The following SIK3 variants were observed in gnomAD, a reference collection of about 807,000 sequenced individuals.
SIK3 encodes the protein SIK family kinase 3.
SIK3 carries 28 observed loss-of-function variants against 144.2 expected under a neutral mutation model. That is an observed-to-expected ratio of 0.19 (90% confidence interval 0.14 to 0.27). The LOEUF is 0.27. Among genes scored for constraint, SIK3 ranks in the 10% least tolerant of loss-of-function variants. SIK3 has a pLI of 1.00. For synonymous variants in SIK3, 686 were observed against 676.3 expected (o/e 1.01, Z -0.22); for missense variants, 1,319 against 1,776.0 (o/e 0.74, Z 4.62).
intron 1 of SIK3, among the ~76,000 whole-genome samples, chr11:117,009,956 T>C (rs1280305978): frequency 6.6e-6 from 1 of 152,110 alleles, no homozygotes. Flanking sequence ...ATTTTGAAGA[T>C]GCATCTGGAA....
At chr11:116,877,197 T>C (rs935673811) in intron 6 of SIK3, among the ~76,000 whole-genome samples, 155 bp from the exon 7 acceptor site, 4 of 152,166 alleles carry the variant, frequency 2.6e-5, no homozygotes, top group South Asian at 2.1e-4. Context: ...CTGTTGCTTA[T>C]GCCACCAGAA....
At chr11:116,932,650 A>G (rs1308102228) in intron 3 of SIK3, among the ~76,000 whole-genome samples, 1 of 152,194 alleles carries the variant, frequency 6.6e-6, no homozygotes, top group African/African-American at 2.4e-5. Context: ...CACTACCCCT[A>G]CACAGTCATG....
At chr11:117,057,830 C>T (rs10892068) in intron 1 of SIK3, among the ~76,000 whole-genome samples, 12,192 of 152,160 alleles carry the variant, frequency 0.08, 620 homozygotes, top group African/African-American at 0.13. Context: ...ATTTACCCAC[C>T]TATACAACTC....
chr11:116,964,992 GT>G (rs1468834339), intron 1 of SIK3, among the ~76,000 whole-genome samples: 2 of 152,160 alleles, frequency 1.3e-5, no homozygotes, highest in African/African-American at 4.8e-5. Flanking sequence ...AATGGTGACT[GT>G]AAAATAGTTC....
intron 4 of SIK3, chr11:116,904,980 A>G (rs1945951242): frequency 6.0e-6 from 1 of 167,028 alleles, no homozygotes; most frequent in Admixed American, 6.5e-5. Flanking sequence ...CGATGACCAC[A>G]ATCAGTTTTA....
intron 21 of SIK3, chr11:116,857,589 T>C (rs959396914): frequency 3.6e-5 from 24 of 664,724 alleles, no homozygotes; most frequent in South Asian, 1.9e-4. Context: ...ATCTATCTTA[T>C]TGACTAAGTG....
chr11:117,032,320 GTCTTTGATT>G (rs1459664035), intron 1 of SIK3, among the ~76,000 whole-genome samples: 3 of 152,042 alleles, frequency 2.0e-5, no homozygotes, highest in Non-Finnish European at 1.5e-5. Context: ...CACTATTTTG[GTCTTTGATT>G]TCTTTCATCA....
In SIK3 at chr11:116,957,011, C is replaced by T; in HGVS notation, c.327G>A (p.Lys109=). ...TCATAATTTGAACTTCCCGGAAAAT[C>T]TTCTTCAAGTTTTCTTCATCCAGCT... ...KTQLDEENLK[K]IFREVQIMKM... is the part of the protein sequence containing the mutation. Residue 109 remains lysine, a synonymous_variant, in exon 2 of 25, where the codon AAG becomes AAA. Transcript: ENST00000445177. 2 of 1,611,186 alleles carry T rather than the reference C, an allele frequency of 1.2e-6. No individual in the cohort carries two copies. Among genetic ancestry groups the T allele is most frequent in the Non-Finnish European group, 1.7e-6 (2 of 1,179,238 alleles).
At chr11:116,868,793 A>C (rs1211220119) in intron 14 of SIK3, 1 of 152,460 alleles carries the variant, frequency 6.6e-6, no homozygotes, top group Non-Finnish European at 1.5e-5. Context: ...CACAAGACGA[A>C]GAGTTCCCAA....
chr11:117,097,207 T>A (rs929055264), intron 1 of SIK3, among the ~76,000 whole-genome samples: 2 of 152,094 alleles, frequency 1.3e-5, no homozygotes, highest in Non-Finnish European at 2.9e-5. Context: ...CCAATTTCAC[T>A]CCTATAGCGC....
chr11:116,869,291 G>A (rs891515210), intron 14 of SIK3: 2 of 152,194 alleles, frequency 1.3e-5, no homozygotes. Context: ...CATAGGACCA[G>A]CTGCTTTCTG....
In SIK3 at chr11:116,954,709, T is replaced by C. The variant is rs1277492632; in HGVS notation, c.391-602A>G. Among the ~76,000 whole-genome samples the C allele has an allele frequency of 1.6e-4, 25 of 152,210 alleles. 2 individuals are homozygous for C. The highest frequency in any genetic ancestry group is 1.6e-3 in the Admixed American group (25 of 15,292). On this transcript the variant is annotated intron_variant, in intron 2 of 24. Transcript: ENST00000445177. ...TCCCTTTGTTGCTCCTTTTTAAAAT[T>C]CATTGTAGTATGTTGTCAGTCCTTT...
In SIK3 at chr11:117,054,970, A is replaced by G. The variant is rs532949442; in HGVS notation, c.273+43173T>C. Among the ~76,000 whole-genome samples the G allele has an allele frequency of 2.1e-4, 32 of 152,354 alleles. 1 individual carries two copies. The South Asian group carries it at 6.4e-3, about 31-fold the overall frequency. On this transcript the variant is annotated intron_variant, in intron 1 of 24. Transcript: ENST00000445177. ...ATAATAGCAACTAATATTTATTAAG[A>G]TATTAGTATATACCAGCACTATGCT...
At chr11:116,921,488 G>A (rs1253649711) in intron 4 of SIK3, among the ~76,000 whole-genome samples, 1 of 151,940 alleles carries the variant, frequency 6.6e-6, no homozygotes, top group South Asian at 2.1e-4. Context: ...CAAATTCTTA[G>A]TTCTAGACTT....
chr11:117,048,323 G>T (rs1472979216), intron 1 of SIK3, among the ~76,000 whole-genome samples: 2 of 152,158 alleles, frequency 1.3e-5, no homozygotes, highest in East Asian at 3.9e-4. Context: ...CCTTTAAAAA[G>T]TTAATGAAAT....
intron 1 of SIK3, among the ~76,000 whole-genome samples, chr11:117,006,600 C>G (rs1025602862): frequency 1.3e-5 from 2 of 151,002 alleles, no homozygotes; most frequent in Non-Finnish European, 2.9e-5. Context: ...GAGTTGCAAA[C>G]CCAAACAAAC....
At chr11:116,947,170 T>TATTTATATATAATATATAATATATAA (rs1948659884) in intron 3 of SIK3, among the ~76,000 whole-genome samples, 3 of 116,620 alleles carry the variant, frequency 2.6e-5, no homozygotes, top group African/African-American at 1.3e-4. Flanking sequence ...ATATATAAAT[T>TATTTATATATAATATATAATATATAA]ATTATTTATA....
At chr11:116,962,311 G>A (rs1949377178) in intron 1 of SIK3, among the ~76,000 whole-genome samples, 1 of 152,116 alleles carries the variant, frequency 6.6e-6, no homozygotes, top group African/African-American at 2.4e-5. Flanking sequence ...AGATCACAAG[G>A]GCTCAAATTC....
rs180841984 is a variant in SIK3 at position 117,048,644 on chromosome 11, G to A, written c.273+49499C>T. ...GCACTCCAGCCTGGGCAATAAGAGC[G>A]AAACTCCGTCTCAAAAAAAAAACTT... On this transcript the variant is annotated intron_variant, in intron 1 of 24. Transcript: ENST00000445177. Among the ~76,000 whole-genome samples, 7 of 151,394 alleles carry A rather than the reference G, an allele frequency of 4.6e-5. No individual in the cohort carries two copies. The East Asian group carries it at 1.2e-3, about 25-fold the overall frequency.
Sources: gnomAD v4.1 joint callset for allele counts (sites outside exome capture counted in the v4.1 genomes callset) on GRCh38, gnomAD v4.1.1 for gene constraint, MANE v1.5 for transcripts, NCBI Gene and HGNC (gene_info 2026-07-23, HGNC 2026-07-21) for gene names.